Variants in MFHAS1 observed in about 807,000 individuals in gnomAD.
The protein encoded by MFHAS1 is multifunctional ROCO family signaling regulator 1, also known as malignant fibrous histiocytoma-amplified sequence 1.
Under a neutral mutation model 70.4 loss-of-function variants are expected in MFHAS1, and 50 were observed. The ratio of observed to expected loss-of-function variants is 0.71; its 90% CI spans 0.57 to 0.90. The LOEUF (loss-of-function observed/expected upper bound fraction) is 0.90, where lower values mean the gene tolerates loss of function less well. MFHAS1 is among the 40% of genes least tolerant of loss of function. The probability of loss-of-function intolerance (pLI) is 0.00; values close to 1 mark genes in which losing one functional copy is unlikely to be tolerated. For synonymous variants in MFHAS1, 952 were observed against 620.0 expected (o/e 1.54, Z -7.96); for missense variants, 1,795 against 1,347.6 (o/e 1.33, Z -5.20).
At chr8:8,809,459 T>C (rs1806465523) in intron 1 of MFHAS1, among the ~76,000 whole-genome samples, 1 of 152,038 alleles carries the variant, frequency 6.6e-6, no homozygotes. Context: ...TACACCATCC[T>C]CTCCTCACTG....
chr8:8,808,221 C>T (rs992866705), intron 1 of MFHAS1, among the ~76,000 whole-genome samples: 1 of 149,382 alleles, frequency 6.7e-6, no homozygotes, highest in Non-Finnish European at 1.5e-5. Flanking sequence ...TAGACGCTCC[C>T]CTGGGAACCC....
At chr8:8,851,076 G>A (rs546276590) in intron 1 of MFHAS1, among the ~76,000 whole-genome samples, 5 of 152,232 alleles carry the variant, frequency 3.3e-5, no homozygotes, top group East Asian at 1.9e-4. Flanking sequence ...GTATATAAGC[G>A]TGCCTCAAGA....
chr8:8,824,270 A>C (rs1335159425), intron 1 of MFHAS1, among the ~76,000 whole-genome samples: 1 of 151,900 alleles, frequency 6.6e-6, no homozygotes, highest in Non-Finnish European at 1.5e-5. Flanking sequence ...CCATCATCTA[A>C]GCATCTCACA....
intron 1 of MFHAS1, among the ~76,000 whole-genome samples, chr8:8,859,026 C>T (rs1334908497): frequency 6.6e-6 from 1 of 152,190 alleles, no homozygotes; most frequent in African/African-American, 2.4e-5. Flanking sequence ...AAAGATTCTT[C>T]AGTCAATAAG....
intron 1 of MFHAS1, among the ~76,000 whole-genome samples, chr8:8,847,798 G>A (rs1808090963): frequency 6.6e-6 from 1 of 152,170 alleles, no homozygotes; most frequent in Admixed American, 6.5e-5. Context: ...TCAGACAGCA[G>A]GTGTTTAAAG....
At chr8:8,856,098 T>C (rs1325658933) in intron 1 of MFHAS1, among the ~76,000 whole-genome samples, 2 of 152,202 alleles carry the variant, frequency 1.3e-5, no homozygotes, top group Non-Finnish European at 2.9e-5. Context: ...GTCTTCCCCA[T>C]GTCTGCTGAG....
chr8:8,825,438 G>A (rs868365171), intron 1 of MFHAS1, among the ~76,000 whole-genome samples: 6 of 152,204 alleles, frequency 3.9e-5, no homozygotes, highest in African/African-American at 1.4e-4. Flanking sequence ...CTCCCAAAGT[G>A]CTGGGATTAT....
Position 8,787,132 on chromosome 8 carries a change from G to C in MFHAS1, c.3126-1077C>G, listed in dbSNP as rs182037415. Among the ~76,000 whole-genome samples, 764 of 150,934 alleles carry C rather than the reference G, an allele frequency of 5.1e-3. 4 individuals carry two copies. The highest frequency in any genetic ancestry group is 8.3e-3 in the Non-Finnish European group (562 of 67,860). On this transcript the variant is annotated intron_variant, in intron 2 of 2. Coordinates refer to ENST00000276282, the MANE Select transcript of MFHAS1 (RefSeq NM_004225.3). ...GTCTCGCTCTGTTGCCCAGGCTGGA[G>C]TGCAGTGGCGCAATCTCGGCTCACT...
rs1231130401 is a variant in MFHAS1, at chr8:8,890,859, T to C, written c.2200A>G (p.Ile734Val). The C allele has an allele frequency of 1.2e-6, 2 of 1,614,024 alleles. No homozygotes were observed. The highest frequency in any genetic ancestry group is 1.7e-6 in the Non-Finnish European group (2 of 1,180,046). ...TGGAAGAAGACATTGAGGATGTCGA[T>C]GAGGCGGGTGAGGTTGTGGAAGACG... is the stretch of plus-strand genomic sequence containing the variant. ...EHVFHNLTRLIDILNVFFQRD... is the reference protein window; with the variant it reads ...EHVFHNLTRLVDILNVFFQRD... Residue 734 changes from isoleucine to valine, a missense_variant, in exon 1 of 3, where the codon ATC becomes GTC. By Grantham distance (29) the Ile-to-Val change is conservative (BLOSUM62 3). Transcript: ENST00000276282.
intron 1 of MFHAS1, among the ~76,000 whole-genome samples, chr8:8,884,758 G>C (rs1474326110): frequency 1.3e-5 from 2 of 152,130 alleles, no homozygotes; most frequent in Non-Finnish European, 2.9e-5. Flanking sequence ...AGACCAGCCT[G>C]AGCAACACAG....
intron 1 of MFHAS1, among the ~76,000 whole-genome samples, chr8:8,883,914 C>G (rs373569847): frequency 6.6e-6 from 1 of 151,450 alleles, no homozygotes; most frequent in Non-Finnish European, 1.5e-5. Flanking sequence ...ATAAAAAATA[C>G]TGGTTGGGTA....
At position 8,864,461 on chromosome 8, in the gene MFHAS1, T is replaced by C. The variant is rs142624556; in HGVS notation, c.2998+25600A>G. On this transcript the variant is annotated intron_variant, in intron 1 of 2. Transcript: ENST00000276282. Reference sequence around the variant, plus strand: ...TCACCAAGTAAAAATATTTTTAATGTTCCTTGGACCAAATTCATATCCTAA... The same window carrying C: ...TCACCAAGTAAAAATATTTTTAATGCTCCTTGGACCAAATTCATATCCTAA... Among the ~76,000 whole-genome samples, 1,191 of 152,340 alleles carry C rather than the reference T, an allele frequency of 7.8e-3. 12 individuals are homozygous for C. The highest frequency in any genetic ancestry group is 0.027 in the African/African-American group (1,129 of 41,564).
chr8:8,832,627 C>CTTT lies in MFHAS1; in HGVS notation c.2999-35139_2999-35137dup, dbSNP rs137896964. Among the ~76,000 whole-genome samples, 1,094 of 121,908 alleles carry CTTT rather than the reference C, an allele frequency of 9.0e-3. 32 individuals carry two copies. Among genetic ancestry groups the CTTT allele is most frequent in the Middle Eastern group, 0.037 (8 of 214 alleles). The allele number at this position is 121,908 out of a possible 152,430, so 80.0% of individuals were successfully genotyped here. ...CATGTGATGCAACCAGAATTTTTTT[C>CTTT]TTTTTTTTTTTTTTTTTTCAAGACA... On this transcript the variant is annotated intron_variant, in intron 1 of 2. Transcript: ENST00000276282.
intron 2 of MFHAS1, among the ~76,000 whole-genome samples, chr8:8,788,973 G>C (rs776808980): frequency 1.8e-4 from 27 of 152,204 alleles, no homozygotes; most frequent in African/African-American, 6.5e-4. Context: ...TTGAGCCTGT[G>C]ATCACCAGGA....
chr8:8,843,131 C>A (rs572579198), intron 1 of MFHAS1, among the ~76,000 whole-genome samples: 18 of 151,768 alleles, frequency 1.2e-4, no homozygotes, highest in Non-Finnish European at 2.5e-4. Flanking sequence ...TAGCCGGGCG[C>A]GGTGGCGGGC....
chr8:8,877,961 C>T (rs1809359399), intron 1 of MFHAS1, among the ~76,000 whole-genome samples: 2 of 152,208 alleles, frequency 1.3e-5, no homozygotes, highest in South Asian at 4.1e-4. Context: ...TCTTTGTCTG[C>T]TCCCTGCCTT....
chr8:8,890,039 A>G (rs931865011), intron 1 of MFHAS1, 22 bp downstream of exon 1: 72 of 1,546,474 alleles, frequency 4.7e-5, no homozygotes, highest in Non-Finnish European at 6.2e-5. Flanking sequence ...CCACAGAAGA[A>G]CTTCTCCCTC....
intron 1 of MFHAS1, among the ~76,000 whole-genome samples, chr8:8,866,812 C>A (rs980021503): frequency 1.7e-4 from 26 of 152,168 alleles, no homozygotes; most frequent in African/African-American, 5.8e-4. Context: ...TCCTGTGAAC[C>A]AGTCTAACAA....
At chr8:8,867,672 C>T (rs1453413463) in intron 1 of MFHAS1, among the ~76,000 whole-genome samples, 1 of 151,962 alleles carries the variant, frequency 6.6e-6, no homozygotes, top group African/African-American at 2.4e-5. Context: ...ATTCTCCTGC[C>T]TCAGCCTCCC....
Sources: allele counts gnomAD v4.1 joint callset (sites outside exome capture counted in the v4.1 genomes callset), GRCh38; gene constraint gnomAD v4.1.1; transcripts MANE v1.5; gene names NCBI Gene and HGNC (gene_info 2026-07-23, HGNC 2026-07-21).